Variants in LUC7L2 observed in about 807,000 individuals in gnomAD.
LUC7L2 encodes the protein putative RNA-binding protein Luc7-like 2.
Under a neutral mutation model 52.8 loss-of-function variants are expected in LUC7L2, and 25 were observed. The observed-to-expected ratio is 0.47, with a 90% CI of 0.34 to 0.66. The LOEUF is 0.66. LUC7L2 is among the 30% of genes least tolerant of loss of function. The probability of loss-of-function intolerance (pLI) is 0.01; values close to 1 mark genes in which losing one functional copy is unlikely to be tolerated. For synonymous variants in LUC7L2, 144 were observed against 160.9 expected (o/e 0.89, Z 0.80); for missense variants, 328 against 497.8 (o/e 0.66, Z 3.25).
At position 139,381,967 on chromosome 7, in the gene LUC7L2, C is replaced by T. The variant is rs558537728; in HGVS notation, c.156+5811C>T. ...TGGCACGGTCTCGGCTCACTGCAAC[C>T]TCAGCCTCCCAGGTTCAAGCGATTC... On this transcript the variant is annotated intron_variant, in intron 2 of 9. Coordinates refer to ENST00000354926, the MANE Select transcript of LUC7L2 (RefSeq NM_016019.5). 2.7e-5 allele frequency among the ~76,000 whole-genome samples: 4 copies of T among 150,848 alleles called. No homozygotes were observed. In the East Asian group the frequency reaches 7.8e-4, roughly 30 times the overall value.
At chr7:139,379,677 T>A (rs1011755452) in intron 2 of LUC7L2, among the ~76,000 whole-genome samples, 2 of 145,862 alleles carry the variant, frequency 1.4e-5, no homozygotes, top group African/African-American at 5.1e-5. Context: ...CAAGTGATTC[T>A]GCCTCAGCCT....
Position 139,401,754 on chromosome 7 carries a change from C to CT in LUC7L2, c.256-367dup, listed in dbSNP as rs58559406. Among the ~76,000 whole-genome samples, 944 of 135,928 alleles carry CT rather than the reference C, an allele frequency of 6.9e-3. 2 individuals are homozygous for CT. The highest frequency in any genetic ancestry group is 0.011 in the South Asian group (46 of 4,112). 89.2% of individuals were successfully genotyped at this position (135,928 alleles called of 152,430 possible). ...AGGCGTGACCCACCACGCCCAGCTT[C>CT]TTTTTTTTTTTTTTTTAATGACAGG... On this transcript the variant is annotated intron_variant, in intron 3 of 9. Transcript: ENST00000354926.
At chr7:139,413,603 C>T (rs925597149) in intron 8 of LUC7L2, among the ~76,000 whole-genome samples, 1 of 152,138 alleles carries the variant, frequency 6.6e-6, no homozygotes, top group African/African-American at 2.4e-5. Flanking sequence ...CATGGCGAAA[C>T]TCCATCTCTA....
chr7:139,358,356 T>G (rs1023069306), upstream of LUC7L2, among the ~76,000 whole-genome samples: 2 of 152,214 alleles, frequency 1.3e-5, no homozygotes, highest in African/African-American at 4.8e-5. Flanking sequence ...TATTCATGTT[T>G]TTTATTGATC....
At chr7:139,407,514 G>C (rs556548155) in intron 6 of LUC7L2, among the ~76,000 whole-genome samples, 164 bp downstream of exon 6, 25 of 152,258 alleles carry the variant, frequency 1.6e-4, no homozygotes, top group Non-Finnish European at 2.5e-4. Context: ...TTTAATGGAT[G>C]CTGCCTGAGA....
At chr7:139,387,693 T>C (rs1794264295) in intron 2 of LUC7L2, among the ~76,000 whole-genome samples, 1 of 152,172 alleles carries the variant, frequency 6.6e-6, no homozygotes, top group African/African-American at 2.4e-5. Flanking sequence ...TACTGAAAAA[T>C]CTAAAATACT....
chr7:139,399,082 TAC>T (rs765951816), intron 3 of LUC7L2, among the ~76,000 whole-genome samples: 10 of 142,564 alleles, frequency 7.0e-5, no homozygotes, highest in Non-Finnish European at 1.5e-4. Context: ...TATATATATA[TAC>T]ATGTATATAT....
chr7:139,387,130 G>A (rs544415592), intron 2 of LUC7L2, among the ~76,000 whole-genome samples: 50 of 151,850 alleles, frequency 3.3e-4, no homozygotes, highest in African/African-American at 1.1e-3. Flanking sequence ...ATGAGCCACC[G>A]TGCCCGGCCA....
intron 9 of LUC7L2, among the ~76,000 whole-genome samples, chr7:139,420,780 A>ATCACTAGACT (rs1433760173): frequency 1.3e-5 from 2 of 151,844 alleles, no homozygotes; most frequent in Non-Finnish European, 2.9e-5. Flanking sequence ...TAGACGTGGA[A>ATCACTAGACT]TCACTAGACT....
At chr7:139,344,420 C>T (rs527737875) in intron 1 of LUC7L2, among the ~76,000 whole-genome samples, 2 of 152,202 alleles carry the variant, frequency 1.3e-5, no homozygotes, top group South Asian at 2.1e-4. Flanking sequence ...ATACCTTATG[C>T]GGTGTAAATG....
At chr7:139,374,430 A>G (rs756287350) in intron 1 of LUC7L2, 59 of 1,550,782 alleles carry the variant, frequency 3.8e-5, no homozygotes, top group Admixed American at 5.9e-5. Context: ...GCCTACCTCA[A>G]TCTGCAAGGG....
intron 2 of LUC7L2, among the ~76,000 whole-genome samples, chr7:139,391,520 C>G (rs1408356069): frequency 4.7e-4 from 71 of 152,062 alleles, no homozygotes; most frequent in Admixed American, 4.7e-3. Context: ...TGTAATATGT[C>G]TATTCGTTGA....
intron 2 of LUC7L2, among the ~76,000 whole-genome samples, chr7:139,385,567 C>T (rs1186588619): frequency 6.6e-6 from 1 of 152,064 alleles, no homozygotes; most frequent in Non-Finnish European, 1.5e-5. Flanking sequence ...GGGATCCTCA[C>T]ACCTGGGCCT....
intron 6 of LUC7L2, among the ~76,000 whole-genome samples, chr7:139,407,696 T>G (rs1309268020): frequency 6.6e-6 from 1 of 152,134 alleles, no homozygotes; most frequent in Non-Finnish European, 1.5e-5. Flanking sequence ...TATAAGAAGT[T>G]TGAGAAAATG....
At chr7:139,360,781 G>A (rs1004926171) in intron 1 of LUC7L2, among the ~76,000 whole-genome samples, 6 of 152,132 alleles carry the variant, frequency 3.9e-5, no homozygotes, top group Admixed American at 2.0e-4. Flanking sequence ...TCCTGGGTCA[G>A]GAGGAAACCT....
At chr7:139,362,083 A>T (rs28666017) in intron 1 of LUC7L2, among the ~76,000 whole-genome samples, 16,416 of 151,412 alleles carry the variant, frequency 0.11, 2,489 homozygotes, top group African/African-American at 0.34. Flanking sequence ...CACTTTGTGT[A>T]TTTTTTTATG....
chr7:139,405,817 T>G, intron 5 of LUC7L2, 30 bp downstream of exon 5: 3 of 1,564,676 alleles, frequency 1.9e-6, no homozygotes, highest in Non-Finnish European at 2.6e-6. Flanking sequence ...AGACGAATTC[T>G]GCTTAATTTG....
chr7:139,384,327 G>A (rs988197164), intron 2 of LUC7L2, among the ~76,000 whole-genome samples: 4 of 150,122 alleles, frequency 2.7e-5, no homozygotes, highest in South Asian at 2.1e-4. Context: ...GTGCAGTGGC[G>A]TGATCGTGGC....
At chr7:139,385,307 A>G (rs963042781) in intron 2 of LUC7L2, among the ~76,000 whole-genome samples, 2 of 119,950 alleles carry the variant, frequency 1.7e-5, no homozygotes, top group Non-Finnish European at 3.3e-5. Context: ...ATCAGTTAGG[A>G]TTACTTTTTT....
Sources: allele counts gnomAD v4.1 joint callset (sites outside exome capture counted in the v4.1 genomes callset), GRCh38; gene constraint gnomAD v4.1.1; transcripts MANE v1.5; gene names NCBI Gene and HGNC (gene_info 2026-07-23, HGNC 2026-07-21).